Variants in CTNND2 observed in about 807,000 individuals in gnomAD.
CTNND2 encodes the protein catenin delta-2.
In CTNND2, 22 loss-of-function variants were observed where a neutral mutation model predicts 144.4. The ratio of observed to expected loss-of-function variants is 0.15; its 90% confidence interval spans 0.11 to 0.22. CTNND2 has a LOEUF of 0.22. Among genes scored for constraint, CTNND2 ranks in the 10% least tolerant of loss-of-function variants. The pLI, the probability that CTNND2 is intolerant of heterozygous loss-of-function variation, is 1.00. For missense variants in CTNND2, 1,353 were observed against 1,618.8 expected, an observed-to-expected ratio of 0.84 and a Z score of 2.82; for synonymous variants, 751 against 695.6, an observed-to-expected ratio of 1.08 and a Z score of -1.25.
intron 8 of CTNND2, among the ~76,000 whole-genome samples, chr5:11,348,285 A>T (rs1754993223): frequency 6.6e-6 from 1 of 152,124 alleles, no homozygotes; most frequent in South Asian, 2.1e-4. Context: ...TAAAATCCAC[A>T]TTTTAAAATT....
chr5:11,092,443 T>C (rs1050854884), intron 15 of CTNND2, among the ~76,000 whole-genome samples: 17 of 152,210 alleles, frequency 1.1e-4, no homozygotes, highest in African/African-American at 3.9e-4. Context: ...CATGTGGCAT[T>C]TGCAACACAG....
chr5:11,146,812 T>G (rs368719795), intron 12 of CTNND2, among the ~76,000 whole-genome samples: 4 of 152,326 alleles, frequency 2.6e-5, no homozygotes, highest in African/African-American at 9.6e-5. Flanking sequence ...GTGGTTTCAT[T>G]TAGCAGAATT....
chr5:11,081,847 T>C (rs913714340), intron 16 of CTNND2, among the ~76,000 whole-genome samples: 1 of 152,198 alleles, frequency 6.6e-6, no homozygotes, highest in Non-Finnish European at 1.5e-5. Context: ...GGAGAGTGAT[T>C]GCTAATGGGA....
At chr5:11,784,579 T>C (rs941562559) in intron 1 of CTNND2, among the ~76,000 whole-genome samples, 64 of 152,322 alleles carry the variant, frequency 4.2e-4, no homozygotes, top group African/African-American at 1.5e-3. Flanking sequence ...CCAGATAGAA[T>C]TAAGGTTGCT....
intron 5 of CTNND2, among the ~76,000 whole-genome samples, chr5:11,405,436 G>A (rs1366430138): frequency 6.6e-6 from 1 of 152,126 alleles, no homozygotes; most frequent in Admixed American, 6.6e-5. Context: ...AAAGAAATTA[G>A]GCCGGAGCAG....
chr5:11,448,832 C>A (rs1765066934), intron 3 of CTNND2, among the ~76,000 whole-genome samples: 1 of 151,214 alleles, frequency 6.6e-6, no homozygotes, highest in African/African-American at 2.5e-5. Context: ...CCAGGCCTGG[C>A]TTTTTGTGTT....
chr5:11,111,817 C>G (rs576277931), intron 13 of CTNND2, among the ~76,000 whole-genome samples: 1 of 151,844 alleles, frequency 6.6e-6, no homozygotes, highest in Non-Finnish European at 1.5e-5. Context: ...GTGTGTGGTA[C>G]GCAGAATAAT....
intron 2 of CTNND2, among the ~76,000 whole-genome samples, chr5:11,613,165 C>T (rs1223300901): frequency 3.3e-5 from 5 of 152,058 alleles, no homozygotes; most frequent in African/African-American, 4.8e-5. Flanking sequence ...AATCAAAATC[C>T]ATTTTGCTTT....
intron 1 of CTNND2, among the ~76,000 whole-genome samples, chr5:11,831,202 A>T (rs1183432584): frequency 6.6e-6 from 1 of 151,128 alleles, no homozygotes; most frequent in South Asian, 2.1e-4. Context: ...TTGATATTAT[A>T]TTTTTGTGCC....
At chr5:11,638,411 A>G (rs936636543) in intron 2 of CTNND2, among the ~76,000 whole-genome samples, 1 of 152,246 alleles carries the variant, frequency 6.6e-6, no homozygotes, top group Non-Finnish European at 1.5e-5. Flanking sequence ...AATAACTGGT[A>G]CTGCAGTAAT....
intron 1 of CTNND2, among the ~76,000 whole-genome samples, chr5:11,829,428 C>T (rs1004585970): frequency 1.3e-5 from 2 of 152,176 alleles, no homozygotes; most frequent in South Asian, 2.1e-4. Context: ...ATGCTGTGTA[C>T]AGCCTAGGGA....
At chr5:11,427,969 C>T (rs1762941005) in intron 3 of CTNND2, among the ~76,000 whole-genome samples, 1 of 152,156 alleles carries the variant, frequency 6.6e-6, no homozygotes, top group South Asian at 2.1e-4. Flanking sequence ...AGGCGAAAGG[C>T]ACTTCTTACA....
At chr5:11,096,426 G>T (rs1400184012) in intron 15 of CTNND2, among the ~76,000 whole-genome samples, 1 of 152,068 alleles carries the variant, frequency 6.6e-6, no homozygotes, top group Non-Finnish European at 1.5e-5. Context: ...TTGGTTTTCT[G>T]TTCCTGTTTT....
At chr5:11,881,168 T>C (rs902713200) in intron 1 of CTNND2, among the ~76,000 whole-genome samples, 1 of 151,898 alleles carries the variant, frequency 6.6e-6, no homozygotes, top group Admixed American at 6.6e-5. Context: ...TAATTTTTAA[T>C]TGCCACCTAA....
Position 10,973,343 on chromosome 5 carries a change from G to T in CTNND2, c.*110C>A. On this transcript the variant is annotated 3_prime_UTR_variant, in exon 22 of 22. Coordinates refer to ENST00000304623, the MANE Select transcript of CTNND2 (RefSeq NM_001332.4). This position sits in a 1 kb window ranked among gnomAD's most constrained non-coding sequence, Gnocchi z 5.6. ...TTACTGGTTATCACAGCCTTCCTATGGAACAGGCTTTAACAAACTAAATTT... is the reference window on the plus strand; with the variant it reads ...TTACTGGTTATCACAGCCTTCCTATTGAACAGGCTTTAACAAACTAAATTT... The T allele has an allele frequency of 1.7e-6, 2 of 1,181,322 alleles. No individual in the cohort carries two copies. Among genetic ancestry groups the T allele is most frequent in the East Asian group, 2.6e-5 (1 of 37,994 alleles). The allele number at this position is 1,181,322 out of a possible 1,614,324, so 73.2% of individuals were successfully genotyped here. A position where few individuals can be genotyped will look rare whatever the true frequency, so the allele number is the denominator to read the frequency against.
intron 11 of CTNND2, among the ~76,000 whole-genome samples, chr5:11,175,786 T>C (rs1011651): frequency 0.87 from 132,779 of 152,068 alleles, 58,389 homozygotes; most frequent in South Asian, 0.94. Context: ...AGTCTACACA[T>C]TTTAAATACT....
intron 1 of CTNND2, among the ~76,000 whole-genome samples, chr5:11,781,694 A>C (rs1340025232): frequency 6.6e-6 from 1 of 152,166 alleles, no homozygotes; most frequent in African/African-American, 2.4e-5. Flanking sequence ...TGACTCCTCA[A>C]CTCTGAACCA....
intron 9 of CTNND2, among the ~76,000 whole-genome samples, chr5:11,239,105 AC>A (rs1169916580): frequency 5.9e-5 from 9 of 152,384 alleles, no homozygotes; most frequent in African/African-American, 1.9e-4. Flanking sequence ...ATTCAGGTAA[AC>A]CTATGCTTTT....
At chr5:11,016,732 A>C (rs1023936186) in intron 18 of CTNND2, among the ~76,000 whole-genome samples, 19 of 151,838 alleles carry the variant, frequency 1.3e-4, no homozygotes, top group African/African-American at 3.4e-4. Context: ...ACCAATGCCT[A>C]TGCCATTCTC....
Sources: gnomAD v4.1 joint callset for allele counts (sites outside exome capture counted in the v4.1 genomes callset) on GRCh38, gnomAD v4.1.1 for gene constraint, Gnocchi (gnomAD v3.1) non-coding constraint, MANE v1.5 for transcripts, NCBI Gene and HGNC (gene_info 2026-07-23, HGNC 2026-07-21) for gene names.